Variants in ZSWIM6 observed in about 807,000 individuals in gnomAD.
ZSWIM6 encodes the protein zinc finger SWIM-type containing 6, also known as zinc finger SWIM domain-containing protein 6.
ZSWIM6 carries 9 observed loss-of-function variants against 113.2 expected under a neutral mutation model. The observed-to-expected ratio is 0.08, with a 90% CI of 0.05 to 0.14. The LOEUF (loss-of-function observed/expected upper bound fraction) is 0.14. Among genes scored for constraint, ZSWIM6 ranks in the 10% least tolerant of loss-of-function variants. The pLI, the probability that ZSWIM6 is intolerant of heterozygous loss-of-function variation, is 1.00. For missense variants in ZSWIM6, 1,162 were observed against 1,552.2 expected, an observed-to-expected ratio of 0.75 and a Z score of 4.22; for synonymous variants, 611 against 606.5, an observed-to-expected ratio of 1.01 and a Z score of -0.11.
intron 1 of ZSWIM6, among the ~76,000 whole-genome samples, chr5:61,385,520 A>G (rs144810467): frequency 2.0e-4 from 30 of 152,348 alleles, no homozygotes; most frequent in African/African-American, 6.3e-4. Flanking sequence ...TACCATTGTG[A>G]CCTGGGGCCA....
At chr5:61,447,133 A>G (rs1242682441) in intron 1 of ZSWIM6, among the ~76,000 whole-genome samples, 1 of 152,142 alleles carries the variant, frequency 6.6e-6, no homozygotes, top group African/African-American at 2.4e-5. Flanking sequence ...TTAGAACAGC[A>G]GCGTGAAAGC....
rs563493323 is a variant in ZSWIM6, at chr5:61,537,132, G to T, written c.2381+1513G>T. Among the ~76,000 whole-genome samples, 4 of 152,314 alleles carry T rather than the reference G, an allele frequency of 2.6e-5. No individual in the cohort carries two copies. In the East Asian group the frequency reaches 7.7e-4, roughly 29 times the overall value. On this transcript the variant is annotated intron_variant, in intron 10 of 13. Coordinates refer to ENST00000252744, the MANE Select transcript of ZSWIM6 (RefSeq NM_020928.2). ...ACTGGCAAAGTTTAAGGGTAAAATA[G>T]CATAAAGTTTCTGTGTGGTTCTGGC...
intron 1 of ZSWIM6, among the ~76,000 whole-genome samples, chr5:61,404,347 C>T (rs575836166): frequency 1.4e-4 from 22 of 152,160 alleles, no homozygotes; most frequent in Middle Eastern, 3.4e-3. Flanking sequence ...ATTTACTTTC[C>T]GATCTTTAGG....
intron 9 of ZSWIM6, 121 bp downstream of exon 9, chr5:61,531,846 A>G: frequency 9.0e-7 from 1 of 1,110,276 alleles, no homozygotes. Context: ...TGCTATAGTC[A>G]TGGGGTATCA....
At chr5:61,365,495 GT>G (rs1258665130) in intron 1 of ZSWIM6, among the ~76,000 whole-genome samples, 1 of 152,190 alleles carries the variant, frequency 6.6e-6, no homozygotes, top group Non-Finnish European at 1.5e-5. Context: ...TATAGTTGCT[GT>G]AATAAGAATG....
intron 1 of ZSWIM6, among the ~76,000 whole-genome samples, chr5:61,455,627 C>A (rs2218526): frequency 1.3e-5 from 2 of 152,030 alleles, no homozygotes; most frequent in Non-Finnish European, 2.9e-5. Context: ...AGGGAGCAGA[C>A]GGAGCACTTG....
rs537317819 is a variant in ZSWIM6 at position 61,505,384 on chromosome 5, G to A, written c.1333+10974G>A. Among the ~76,000 whole-genome samples, 3 of 151,886 alleles carry A rather than the reference G, an allele frequency of 2.0e-5. No homozygotes were observed. The South Asian group carries it at 6.3e-4, about 32-fold the overall frequency. ...TCTCCTTCCCTCTCTTGAAAAGGAG[G>A]AGGGTTAGTGAGAGGTAGAGGAGGT... On this transcript the variant is annotated intron_variant, in intron 4 of 13. Transcript: ENST00000252744.
chr5:61,340,652 G>C, intron 1 of ZSWIM6, among the ~76,000 whole-genome samples: 1 of 152,126 alleles, frequency 6.6e-6, no homozygotes, highest in Non-Finnish European at 1.5e-5. Flanking sequence ...TGAGTAAATT[G>C]TTTAGAGTGG....
chr5:61,402,478 C>CT (rs1306837221), intron 1 of ZSWIM6, among the ~76,000 whole-genome samples: 1 of 151,306 alleles, frequency 6.6e-6, no homozygotes, highest in East Asian at 1.9e-4. Context: ...GAAGTATAGA[C>CT]TTAAGTTAAA....
At position 61,537,187 on chromosome 5, in the gene ZSWIM6, G is replaced by C. The variant is rs566047924; in HGVS notation, c.2381+1568G>C. Among the ~76,000 whole-genome samples, 6 of 152,328 alleles carry C rather than the reference G, an allele frequency of 3.9e-5. No individual in the cohort carries two copies. The South Asian group carries it at 1.2e-3, about 32-fold the overall frequency. On this transcript the variant is annotated intron_variant, in intron 10 of 13. Coordinates refer to ENST00000252744, the MANE Select transcript of ZSWIM6 (RefSeq NM_020928.2). ...GTAATGGTATGTGCCAGGCAGAAAG[G>C]CTTGCTTTTCTAACACTCACAAACT...
chr5:61,451,492 G>T (rs552899886), intron 1 of ZSWIM6, among the ~76,000 whole-genome samples: 2 of 152,108 alleles, frequency 1.3e-5, no homozygotes, highest in Non-Finnish European at 2.9e-5. Flanking sequence ...AGTTAACATT[G>T]GTCCTGTAAG....
chr5:61,436,509 C>T (rs866621126), intron 1 of ZSWIM6, among the ~76,000 whole-genome samples: 6 of 152,160 alleles, frequency 3.9e-5, no homozygotes, highest in African/African-American at 1.4e-4. Context: ...TTTATGGAAG[C>T]CCTATTCACT....
rs1383676317 is a variant in ZSWIM6 at position 61,420,558 on chromosome 5, CTAAG to C, written c.677-52120_677-52117del. ...AAGCATTATCCATGTTTTATACTGA[CTAAG>C]TAGCAGTAGAACAGAGGCTGCCGGG... On this transcript the variant is annotated intron_variant, in intron 1 of 13. Transcript: ENST00000252744. Among the ~76,000 whole-genome samples the C allele has an allele frequency of 1.6e-4, 24 of 151,762 alleles. 1 individual carries two copies. The highest frequency in any genetic ancestry group is 1.4e-3 in the Admixed American group (22 of 15,232).
chr5:61,396,713 T>C (rs945649218), intron 1 of ZSWIM6, among the ~76,000 whole-genome samples: 5 of 152,038 alleles, frequency 3.3e-5, no homozygotes, highest in African/African-American at 1.2e-4. Flanking sequence ...TTTACCAAGG[T>C]TGGTGGGTTA....
chr5:61,401,776 A>G (rs1177074087), intron 1 of ZSWIM6, among the ~76,000 whole-genome samples: 1 of 152,170 alleles, frequency 6.6e-6, no homozygotes, highest in South Asian at 2.1e-4. Context: ...ATCAACCTAT[A>G]TGACCTTTTC....
intron 4 of ZSWIM6, among the ~76,000 whole-genome samples, chr5:61,500,498 G>A (rs1489035524): frequency 6.6e-6 from 1 of 152,128 alleles, no homozygotes; most frequent in African/African-American, 2.4e-5. Flanking sequence ...CAAGGTCAAA[G>A]CGAAGCTCAC....
At chr5:61,430,833 T>A (rs1313724368) in intron 1 of ZSWIM6, among the ~76,000 whole-genome samples, 1 of 152,246 alleles carries the variant, frequency 6.6e-6, no homozygotes, top group Non-Finnish European at 1.5e-5. Flanking sequence ...AAGTATTTTC[T>A]GATCTTGAAT....
chr5:61,378,704 C>T (rs964467018), intron 1 of ZSWIM6, among the ~76,000 whole-genome samples: 9 of 151,984 alleles, frequency 5.9e-5, no homozygotes, highest in Admixed American at 1.3e-4. Context: ...TACAGGCATG[C>T]GCCACCACGC....
chr5:61,472,874 A>T lies in ZSWIM6; in HGVS notation c.870A>T (p.Lys290Asn). The part of the protein sequence containing the change: ...LYRIRKPDQV[K>N]LHLPISETLF... ...GCATCCGCAAGCCAGATCAGGTCAAACTGCATCTTCCTATTTCAGAGACTC... is the reference window on the plus strand; with the variant it reads ...GCATCCGCAAGCCAGATCAGGTCAATCTGCATCTTCCTATTTCAGAGACTC... The change falls in exon 2 of 14, where the codon AAA becomes AAT. Residue 290 changes from lysine to asparagine, a missense_variant. Lys to Asn is a moderately conservative substitution (Grantham distance 94). Coordinates refer to ENST00000252744, the MANE Select transcript of ZSWIM6 (RefSeq NM_020928.2). The surrounding 1 kb of genome is among the most constrained non-coding windows in gnomAD (Gnocchi z 4.1). 6.4e-7 allele frequency: 1 copy of T among 1,551,706 alleles called. No homozygotes were observed. The highest frequency in any genetic ancestry group is 8.7e-7 in the Non-Finnish European group (1 of 1,146,976).
Sources: gnomAD v4.1 joint callset for allele counts (sites outside exome capture counted in the v4.1 genomes callset) on GRCh38, gnomAD v4.1.1 for gene constraint, Gnocchi (gnomAD v3.1) non-coding constraint, MANE v1.5 for transcripts, NCBI Gene and HGNC (gene_info 2026-07-23, HGNC 2026-07-21) for gene names.